The following ME3 variants were observed in gnomAD, a reference collection of about 807,000 sequenced individuals.
ME3 encodes malic enzyme 3.
A neutral mutation model predicts 68.9 loss-of-function variants in ME3; 48 were observed. The ratio of observed to expected loss-of-function variants is 0.70; its 90% CI spans 0.55 to 0.89. ME3 has a LOEUF of 0.89. Ranked by LOEUF, ME3 falls within the 40% of genes least tolerant of loss-of-function variation. The probability of loss-of-function intolerance (pLI) is 0.00; values close to 1 mark genes in which losing one functional copy is unlikely to be tolerated. For missense variants in ME3, 675 were observed against 797.4 expected (o/e 0.85, Z 1.85); for synonymous variants, 320 against 318.8 (o/e 1.00, Z -0.04).
chr11:86,447,567 C>T (rs566155743), intron 11 of ME3, among the ~76,000 whole-genome samples: 1 of 152,070 alleles, frequency 6.6e-6, no homozygotes, highest in Non-Finnish European at 1.5e-5. Context: ...GAGACCAGGC[C>T]AGGTGTGGTG....
intron 2 of ME3, among the ~76,000 whole-genome samples, chr11:86,590,758 T>A (rs1256632945): frequency 6.6e-6 from 1 of 152,190 alleles, no homozygotes; most frequent in Non-Finnish European, 1.5e-5. Flanking sequence ...TTTTAAAGCA[T>A]GGCCTCCTGT....
intron 8 of ME3, among the ~76,000 whole-genome samples, chr11:86,453,543 G>A (rs1949757563): frequency 6.6e-6 from 1 of 152,118 alleles, no homozygotes; most frequent in South Asian, 2.1e-4. Flanking sequence ...CACCACCCCA[G>A]CATCATCCAT....
downstream of ME3, among the ~76,000 whole-genome samples, chr11:86,439,753 G>T (rs1948923234): frequency 6.6e-6 from 1 of 152,096 alleles, no homozygotes; most frequent in Admixed American, 6.5e-5. Context: ...AACCTATTTT[G>T]CTTTCATTTG....
rs76527420 is a variant in ME3 at position 86,520,485 on chromosome 11, A to G, written c.468-11618T>C. Among the ~76,000 whole-genome samples the G allele has an allele frequency of 5.4e-3, 820 of 152,342 alleles. 4 individuals are homozygous for G. The highest frequency in any genetic ancestry group is 0.018 in the African/African-American group (765 of 41,590). On this transcript the variant is annotated intron_variant, in intron 4 of 14. Coordinates refer to ENST00000543262, the Ensembl canonical transcript of ME3. ...ACCCCAAAAAACCTTGCAATGGGGTATAACAGAAACATTATTTGAAGACCA... is the reference window on the plus strand; with the variant it reads ...ACCCCAAAAAACCTTGCAATGGGGTGTAACAGAAACATTATTTGAAGACCA...
At chr11:86,559,316 T>C (rs1321089944) in intron 3 of ME3, among the ~76,000 whole-genome samples, 1 of 152,044 alleles carries the variant, frequency 6.6e-6, no homozygotes, top group African/African-American at 2.4e-5. Flanking sequence ...GGCCTGTCTC[T>C]ACCTCTTTGC....
chr11:86,651,752 T>A (rs1222663616), intron 2 of ME3, among the ~76,000 whole-genome samples: 1 of 152,204 alleles, frequency 6.6e-6, no homozygotes, highest in East Asian at 1.9e-4. Flanking sequence ...GGAGAATGAC[T>A]TTGATGAGAT....
At chr11:86,492,176 T>C (rs1952047344) in intron 6 of ME3, among the ~76,000 whole-genome samples, 1 of 152,240 alleles carries the variant, frequency 6.6e-6, no homozygotes, top group Non-Finnish European at 1.5e-5. Context: ...CTCTGTTAAA[T>C]AGGGAATAAT....
At chr11:86,455,877 T>A (rs563312639) in intron 8 of ME3, among the ~76,000 whole-genome samples, 3 of 136,692 alleles carry the variant, frequency 2.2e-5, no homozygotes, top group Non-Finnish European at 5.0e-5. Flanking sequence ...ACAAGCAGTT[T>A]AAATAAGTAT....
chr11:86,607,405 C>G (rs1232487825), intron 2 of ME3, among the ~76,000 whole-genome samples: 3 of 151,670 alleles, frequency 2.0e-5, no homozygotes, highest in African/African-American at 7.3e-5. Context: ...TCATTTCTTC[C>G]TCTCTGATTC....
chr11:86,598,320 C>G (rs1959912213), intron 2 of ME3, among the ~76,000 whole-genome samples: 3 of 152,204 alleles, frequency 2.0e-5, no homozygotes, highest in African/African-American at 4.8e-5. Flanking sequence ...CTTGGAGGGT[C>G]CTACGCCCAC....
intron 7 of ME3, among the ~76,000 whole-genome samples, chr11:86,475,321 A>G (rs1950999677): frequency 6.6e-6 from 1 of 152,064 alleles, no homozygotes; most frequent in Non-Finnish European, 1.5e-5. Flanking sequence ...TCACCATGTG[A>G]TATACCTTCT....
At chr11:86,501,739 T>A (rs1490556001) in intron 5 of ME3, among the ~76,000 whole-genome samples, 1 of 152,220 alleles carries the variant, frequency 6.6e-6, no homozygotes, top group Admixed American at 6.5e-5. Context: ...CCAGTCTTCT[T>A]TGATTCTTCT....
At position 86,602,631 on chromosome 11, in the gene ME3, G is replaced by A. The variant is rs560540017; in HGVS notation, c.184-42808C>T. ...TTAAAGTTCATATGGAACCAAAAAA[G>A]AGCCCGCATCAGTAAGTCAATCCTA... is the stretch of plus-strand genomic sequence containing the variant. On this transcript the variant is annotated intron_variant, in intron 2 of 14. Coordinates refer to ENST00000543262, the Ensembl canonical transcript of ME3. 2.6e-5 allele frequency among the ~76,000 whole-genome samples: 4 copies of A among 152,288 alleles called. No homozygotes were observed. The South Asian group carries it at 6.2e-4, about 24-fold the overall frequency.
chr11:86,559,849 C>T lies in ME3; in HGVS notation c.184-26G>A, dbSNP rs374308286. ...CTGGGAAAAACAGGAAAAGAACACC[C>T]ACACATAAGTGCATACTCAGGAGAC... On this transcript the variant is annotated intron_variant, in intron 2 of 14. Coordinates refer to ENST00000543262, the Ensembl canonical transcript of ME3. The T allele has an allele frequency of 3.1e-6, 5 of 1,611,174 alleles. No individual in the cohort carries two copies. The African/African-American group carries it at 6.7e-5, about 22-fold the overall frequency.
At chr11:86,469,636 C>T (rs1319113600) in intron 7 of ME3, among the ~76,000 whole-genome samples, 1 of 152,186 alleles carries the variant, frequency 6.6e-6, no homozygotes, top group Non-Finnish European at 1.5e-5. Context: ...CTTCACCCTC[C>T]AGCCCTGGCA....
intron 8 of ME3, among the ~76,000 whole-genome samples, chr11:86,460,097 T>C (rs888618851): frequency 9.8e-5 from 15 of 152,330 alleles, no homozygotes; most frequent in Admixed American, 5.2e-4. Context: ...CTTTCCTCCC[T>C]AAGAGCAGAG....
intron 4 of ME3, among the ~76,000 whole-genome samples, chr11:86,536,261 C>A (rs1955650892): frequency 6.6e-6 from 1 of 151,352 alleles, no homozygotes; most frequent in Non-Finnish European, 1.5e-5. Context: ...AAAGCAATGG[C>A]AACAAAAGAC....
At chr11:86,534,081 G>GTGTATATATATATATATA (rs1361825219) in intron 4 of ME3, among the ~76,000 whole-genome samples, 6 of 127,508 alleles carry the variant, frequency 4.7e-5, no homozygotes, top group African/African-American at 1.9e-4. Context: ...GTGTGTGTGT[G>GTGTATATATATATATATA]TATATATATA....
At chr11:86,637,433 A>G (rs1944406182) in intron 2 of ME3, among the ~76,000 whole-genome samples, 1 of 152,108 alleles carries the variant, frequency 6.6e-6, no homozygotes, top group South Asian at 2.1e-4. Context: ...ACAATGAGAA[A>G]GCCCATATTT....
Sources: gnomAD v4.1 joint callset for allele counts (sites outside exome capture counted in the v4.1 genomes callset) on GRCh38, gnomAD v4.1.1 for gene constraint, MANE v1.5 for transcripts, NCBI Gene and HGNC (gene_info 2026-07-23, HGNC 2026-07-21) for gene names.